Variants in HS6ST3 observed in about 807,000 individuals in gnomAD.
HS6ST3 encodes the protein heparan-sulfate 6-O-sulfotransferase 3.
A neutral mutation model predicts 36.7 loss-of-function variants in HS6ST3; 12 were observed. The observed-to-expected ratio is 0.33, with a 90% CI of 0.21 to 0.53. The LOEUF (loss-of-function observed/expected upper bound fraction) is 0.53, where lower values mean the gene tolerates loss of function less well. HS6ST3 is among the 20% of genes least tolerant of loss of function. The pLI is 0.95. For synonymous variants in HS6ST3, 240 were observed against 257.5 expected (o/e 0.93, Z 0.65); for missense variants, 584 against 640.9 (o/e 0.91, Z 0.96).
intron 1 of HS6ST3, among the ~76,000 whole-genome samples, chr13:96,214,804 A>G (rs1314555234): frequency 6.6e-6 from 1 of 152,216 alleles, no homozygotes; most frequent in Admixed American, 6.5e-5. Context: ...TTTATTATTT[A>G]TATAAGTAAA....
intron 1 of HS6ST3, among the ~76,000 whole-genome samples, chr13:96,394,248 T>C (rs901786496): frequency 2.0e-5 from 3 of 151,750 alleles, no homozygotes; most frequent in Non-Finnish European, 4.4e-5. Context: ...CCTTACTGCC[T>C]ACTGAGAGGA....
At chr13:96,803,513 G>A (rs969858873) in intron 1 of HS6ST3, among the ~76,000 whole-genome samples, 27 of 152,122 alleles carry the variant, frequency 1.8e-4, no homozygotes, top group Non-Finnish European at 2.4e-4. Context: ...ACCCAGAGGG[G>A]CAGGTGAGAA....
intron 1 of HS6ST3, among the ~76,000 whole-genome samples, chr13:96,725,535 A>T (rs1355858398): frequency 6.6e-6 from 1 of 152,122 alleles, no homozygotes; most frequent in Admixed American, 6.5e-5. Flanking sequence ...ATTCCAAGTT[A>T]ATTTTTGTGT....
intron 1 of HS6ST3, among the ~76,000 whole-genome samples, chr13:96,702,363 C>G (rs1342918919): frequency 6.6e-6 from 1 of 152,200 alleles, no homozygotes; most frequent in African/African-American, 2.4e-5. Flanking sequence ...ACCATTCTGG[C>G]AGTTCAATGT....
intron 1 of HS6ST3, among the ~76,000 whole-genome samples, chr13:96,697,881 A>C (rs1242742524): frequency 2.6e-5 from 4 of 152,186 alleles, no homozygotes; most frequent in African/African-American, 9.7e-5. Flanking sequence ...CAATGCCTTT[A>C]AACTAAAAGT....
intron 1 of HS6ST3, among the ~76,000 whole-genome samples, chr13:96,464,157 A>AAAAAAAAAAAAAAAC (rs1400258215): frequency 6.7e-6 from 1 of 149,416 alleles, no homozygotes; most frequent in African/African-American, 2.4e-5. Context: ...AAAAAAAAAA[A>AAAAAAAAAAAAAAAC]AAAATCAAAG....
At chr13:96,761,000 A>G (rs1259123802) in intron 1 of HS6ST3, among the ~76,000 whole-genome samples, 6 of 152,138 alleles carry the variant, frequency 3.9e-5, no homozygotes, top group African/African-American at 9.7e-5. Flanking sequence ...TCAGCATCCA[A>G]TGCTCTTGCT....
At chr13:96,653,151 T>A (rs567813783) in intron 1 of HS6ST3, among the ~76,000 whole-genome samples, 2 of 152,242 alleles carry the variant, frequency 1.3e-5, no homozygotes, top group East Asian at 3.9e-4. Context: ...AAGAGTGACT[T>A]TCTGAGGATT....
At chr13:96,239,640 G>C (rs2054550913) in intron 1 of HS6ST3, among the ~76,000 whole-genome samples, 1 of 152,150 alleles carries the variant, frequency 6.6e-6, no homozygotes, top group South Asian at 2.1e-4. Context: ...GTCAATTACT[G>C]TGAGCATGCA....
intron 1 of HS6ST3, among the ~76,000 whole-genome samples, chr13:96,525,680 C>T (rs1053936849): frequency 6.6e-6 from 1 of 152,168 alleles, no homozygotes; most frequent in African/African-American, 2.4e-5. Flanking sequence ...ATTTTGCCAC[C>T]TAGTTAGAAT....
chr13:96,760,638 T>C (rs1276466608), intron 1 of HS6ST3, among the ~76,000 whole-genome samples: 2 of 152,202 alleles, frequency 1.3e-5, no homozygotes. Flanking sequence ...ATAGTGAAAA[T>C]AGATAATATA....
rs143626629 is a variant in HS6ST3 at position 96,286,297 on chromosome 13, T to C, written c.707+194728T>C. ...TTTAACGATTTGATTCTTAATCATTTAGCCCTGAAATCCCTCCTGTTTCCT... is the reference window on the plus strand; with the variant it reads ...TTTAACGATTTGATTCTTAATCATTCAGCCCTGAAATCCCTCCTGTTTCCT... On this transcript the variant is annotated intron_variant, in intron 1 of 1. Coordinates refer to ENST00000376705, the MANE Select transcript of HS6ST3 (RefSeq NM_153456.4). 3.4e-3 allele frequency among the ~76,000 whole-genome samples: 518 copies of C among 152,306 alleles called. 5 individuals are homozygous for C. The highest frequency in any genetic ancestry group is 0.012 in the African/African-American group (495 of 41,566).
chr13:96,292,979 G>T (rs758950703), intron 1 of HS6ST3, among the ~76,000 whole-genome samples: 26 of 151,984 alleles, frequency 1.7e-4, no homozygotes, highest in Non-Finnish European at 3.4e-4. Flanking sequence ...ATGATGATTA[G>T]TGATGATGAA....
chr13:96,367,200 T>A (rs1010739285), intron 1 of HS6ST3, among the ~76,000 whole-genome samples: 1 of 152,252 alleles, frequency 6.6e-6, no homozygotes, highest in Non-Finnish European at 1.5e-5. Flanking sequence ...ATATTTAACA[T>A]GGTTTTTGTA....
At chr13:96,415,785 G>A (rs922020813) in intron 1 of HS6ST3, among the ~76,000 whole-genome samples, 5 of 152,154 alleles carry the variant, frequency 3.3e-5, no homozygotes, top group Non-Finnish European at 7.3e-5. Flanking sequence ...AGCAAAGAAC[G>A]TATTTTATAG....
chr13:96,797,688 C>T (rs570827408), intron 1 of HS6ST3, among the ~76,000 whole-genome samples: 41 of 152,142 alleles, frequency 2.7e-4, no homozygotes, highest in Non-Finnish European at 3.7e-4. Flanking sequence ...TACCTTTCAA[C>T]GGGATTATGT....
rs1332318587 is a variant in HS6ST3 at position 96,369,389 on chromosome 13, G to A, written c.707+277820G>A. Reference sequence around the variant, plus strand: ...AGTTTTCTGCTTGGTGAAGCAGAAAGCAGATGCCTTAAGGGACCTAATTGC... The same window carrying A: ...AGTTTTCTGCTTGGTGAAGCAGAAAACAGATGCCTTAAGGGACCTAATTGC... On this transcript the variant is annotated intron_variant, in intron 1 of 1. Transcript: ENST00000376705. Among the ~76,000 whole-genome samples, 3 of 152,158 alleles carry A rather than the reference G, an allele frequency of 2.0e-5. No homozygotes were observed. In the East Asian group the frequency reaches 5.8e-4, roughly 29 times the overall value.
At chr13:96,383,726 G>C (rs1016604510) in intron 1 of HS6ST3, among the ~76,000 whole-genome samples, 3 of 152,062 alleles carry the variant, frequency 2.0e-5, no homozygotes, top group African/African-American at 7.2e-5. Context: ...AAGTGGGGGG[G>C]ACATAGAGGA....
intron 1 of HS6ST3, among the ~76,000 whole-genome samples, chr13:96,218,339 A>C (rs918360418): frequency 5.9e-5 from 9 of 152,114 alleles, no homozygotes; most frequent in Non-Finnish European, 1.3e-4. Context: ...CACCAAACCC[A>C]GTGGGAAGCT....
Sources: allele counts gnomAD v4.1 joint callset (sites outside exome capture counted in the v4.1 genomes callset), GRCh38; gene constraint gnomAD v4.1.1; transcripts MANE v1.5; gene names NCBI Gene and HGNC (gene_info 2026-07-23, HGNC 2026-07-21).